Variants in ADAMTS18 observed in about 807,000 individuals in gnomAD.
ADAMTS18 encodes the protein A disintegrin and metalloproteinase with thrombospondin motifs 18.
Under a neutral mutation model 165.9 loss-of-function variants are expected in ADAMTS18, and 157 were observed. The ratio of observed to expected loss-of-function variants is 0.95; its 90% CI spans 0.83 to 1.08. ADAMTS18 has a LOEUF of 1.08. Among genes scored for constraint, ADAMTS18 ranks in the 50% least tolerant of loss-of-function variants. ADAMTS18 has a pLI of 0.00. For missense variants in ADAMTS18, 2,040 were observed against 1,534.0 expected (o/e 1.33, Z -5.51); for synonymous variants, 782 against 578.2 (o/e 1.35, Z -5.06).
chr16:77,398,415 T>C (rs901612411), intron 3 of ADAMTS18, among the ~76,000 whole-genome samples: 5 of 152,098 alleles, frequency 3.3e-5, no homozygotes, highest in African/African-American at 4.8e-5. Context: ...GGTATAACAA[T>C]CACACACGAC....
At chr16:77,349,250 C>G (rs2056520313) in intron 10 of ADAMTS18, among the ~76,000 whole-genome samples, 5 of 152,094 alleles carry the variant, frequency 3.3e-5, no homozygotes, top group Admixed American at 2.6e-4. Flanking sequence ...ACAAACCTGT[C>G]TCCCCCTTTC....
chr16:77,365,859 T>C (rs901449306), intron 4 of ADAMTS18, among the ~76,000 whole-genome samples: 3 of 152,236 alleles, frequency 2.0e-5, no homozygotes, highest in African/African-American at 4.8e-5. Flanking sequence ...TGGCCACTTA[T>C]GAGCACAGTG....
intron 18 of ADAMTS18, 64 bp downstream of exon 18, chr16:77,297,225 T>A: frequency 6.9e-6 from 11 of 1,595,814 alleles, no homozygotes; most frequent in Admixed American, 1.7e-5. Context: ...TTTCATCATC[T>A]CATAACAACA....
At position 77,340,011 on chromosome 16, in the gene ADAMTS18, T is replaced by A. The variant is rs149257154; in HGVS notation, c.1710+1693A>T. Among the ~76,000 whole-genome samples the A allele has an allele frequency of 2.0e-5, 3 of 152,186 alleles. No homozygotes were observed. The East Asian group carries it at 5.8e-4, about 29-fold the overall frequency. ...ACAACCCAACAACCATCTTGATGCATGTACTTGTTGTGGTTTATTCTAAGT... is the reference window on the plus strand; with the variant it reads ...ACAACCCAACAACCATCTTGATGCAAGTACTTGTTGTGGTTTATTCTAAGT... On this transcript the variant is annotated intron_variant, in intron 11 of 22. Coordinates refer to ENST00000282849, the MANE Select transcript of ADAMTS18 (RefSeq NM_199355.4).
At chr16:77,359,126 C>A (rs914587529) in intron 8 of ADAMTS18, among the ~76,000 whole-genome samples, 192 bp downstream of exon 8, 1 of 152,196 alleles carries the variant, frequency 6.6e-6, no homozygotes, top group African/African-American at 2.4e-5. Context: ...CTATTAAGTG[C>A]TGCTGTTTAA....
chr16:77,374,077 G>T (rs574423673), intron 3 of ADAMTS18, among the ~76,000 whole-genome samples: 1 of 151,984 alleles, frequency 6.6e-6, no homozygotes, highest in Admixed American at 6.5e-5. Context: ...AAATTAGCCC[G>T]GCGTGGTGGC....
intron 14 of ADAMTS18, 145 bp from the exon 15 acceptor site, chr16:77,321,347 G>A (rs764522287): frequency 1.8e-6 from 2 of 1,086,886 alleles, no homozygotes; most frequent in African/African-American, 1.6e-5. Context: ...CCTCAAGTTG[G>A]ACTCACTTGG....
intron 14 of ADAMTS18, 95 bp from the exon 15 acceptor site, chr16:77,321,297 A>C (rs2055994605): frequency 6.6e-7 from 1 of 1,513,848 alleles, no homozygotes; most frequent in Non-Finnish European, 9.1e-7. Context: ...TATTTACAGA[A>C]CATTAGGGAA....
chr16:77,430,055 G>A (rs370364616), intron 3 of ADAMTS18, among the ~76,000 whole-genome samples: 233 of 152,196 alleles, frequency 1.5e-3, no homozygotes, highest in African/African-American at 5.4e-3. Context: ...ACTACGGTGG[G>A]TTGTGTAAAC....
chr16:77,320,844 C>T (rs1042299163), intron 15 of ADAMTS18, among the ~76,000 whole-genome samples: 7 of 152,124 alleles, frequency 4.6e-5, no homozygotes, highest in African/African-American at 1.2e-4. Context: ...GGGGCCTGGT[C>T]GGCATACTAA....
chr16:77,333,937 A>C (rs1567490637), intron 12 of ADAMTS18, among the ~76,000 whole-genome samples: 1 of 144,210 alleles, frequency 6.9e-6, no homozygotes, highest in Admixed American at 7.1e-5. Flanking sequence ...TAAATACTGT[A>C]ATATATAGTG....
At chr16:77,401,116 G>T (rs1026664242) in intron 3 of ADAMTS18, among the ~76,000 whole-genome samples, 1 of 151,962 alleles carries the variant, frequency 6.6e-6, no homozygotes, top group Non-Finnish European at 1.5e-5. Context: ...TTAGCCAGGC[G>T]TGGTGGCGGG....
intron 20 of ADAMTS18, among the ~76,000 whole-genome samples, chr16:77,292,667 C>G (rs1006427108): frequency 6.6e-6 from 1 of 152,180 alleles, no homozygotes. Context: ...CAGACATAGG[C>G]TTGATCAATG....
intron 16 of ADAMTS18, among the ~76,000 whole-genome samples, chr16:77,316,403 C>A (rs533850006): frequency 6.6e-6 from 1 of 152,002 alleles, no homozygotes; most frequent in Non-Finnish European, 1.5e-5. Flanking sequence ...TATAGGCATG[C>A]GCCACCATAC....
rs148442712 is a variant in ADAMTS18, at chr16:77,325,919, C to G, written c.1979G>C (p.Ser660Thr). 6.2e-7 allele frequency: 1 copy of G among 1,614,038 alleles called. No homozygotes were observed. The highest frequency in any genetic ancestry group is 1.3e-5 in the African/African-American group (1 of 75,012). ...GTAGAACCATCCACGGAAAGGTTTGCTGTTATATTCTGCACACTGTTGAGC... is the reference window on the plus strand; with the variant it reads ...GTAGAACCATCCACGGAAAGGTTTGGTGTTATATTCTGCACACTGTTGAGC... ...FRAQQCAEYN[S>T]KPFRGWFYQW... The change falls in exon 13 of 23, where the codon AGC becomes ACC. Residue 660 changes from serine to threonine, a missense_variant. By Grantham distance (58) the Ser-to-Thr change is moderately conservative. Coordinates refer to ENST00000282849, the MANE Select transcript of ADAMTS18 (RefSeq NM_199355.4).
At chr16:77,286,406 C>A (rs1357652481) in intron 22 of ADAMTS18, among the ~76,000 whole-genome samples, 2 of 152,130 alleles carry the variant, frequency 1.3e-5, no homozygotes, top group African/African-American at 2.4e-5. Context: ...GGGAGCCGTG[C>A]CTGTTTATTT....
intron 3 of ADAMTS18, among the ~76,000 whole-genome samples, chr16:77,388,070 G>T (rs924852573): frequency 1.3e-5 from 2 of 152,086 alleles, no homozygotes; most frequent in African/African-American, 4.8e-5. Flanking sequence ...TAGGCACTAC[G>T]CACTCTGCAA....
chr16:77,342,583 G>A (rs1021480730), intron 10 of ADAMTS18, among the ~76,000 whole-genome samples: 3 of 152,112 alleles, frequency 2.0e-5, no homozygotes, highest in African/African-American at 7.2e-5. Flanking sequence ...GAGCCACCAG[G>A]CCTGGCCACC....
At chr16:77,401,942 T>C (rs532848926) in intron 3 of ADAMTS18, among the ~76,000 whole-genome samples, 1 of 152,276 alleles carries the variant, frequency 6.6e-6, no homozygotes, top group South Asian at 2.1e-4. Flanking sequence ...AGCCTTGGAG[T>C]AAGAGTTACA....
Sources: allele counts gnomAD v4.1 joint callset (sites outside exome capture counted in the v4.1 genomes callset), GRCh38; gene constraint gnomAD v4.1.1; transcripts MANE v1.5; gene names NCBI Gene and HGNC (gene_info 2026-07-23, HGNC 2026-07-21).